RARB: variants seen among roughly 807,000 people sequenced by gnomAD.
The protein encoded by RARB is HBV-activated protein.
A neutral mutation model predicts 51.9 loss-of-function variants in RARB; 17 were observed. The observed-to-expected ratio is 0.33, with a 90% CI of 0.22 to 0.49. RARB has a LOEUF of 0.49. Among genes scored for constraint, RARB ranks in the 20% least tolerant of loss-of-function variants. RARB has a pLI of 0.99. For synonymous variants in RARB, 215 were observed against 195.4 expected (o/e 1.10, Z -0.84); for missense variants, 369 against 550.8 (o/e 0.67, Z 3.30).
chr3:25,069,669 C>T (rs939254742), intron 3 of RARB, among the ~76,000 whole-genome samples: 28 of 152,118 alleles, frequency 1.8e-4, no homozygotes, highest in Admixed American at 1.3e-3. Flanking sequence ...ACTGTCACAG[C>T]GTTTTATCTG....
At chr3:25,480,755 G>A (rs1696186542) in intron 2 of RARB, among the ~76,000 whole-genome samples, 1 of 152,128 alleles carries the variant, frequency 6.6e-6, no homozygotes, top group African/African-American at 2.4e-5. Context: ...GGGCAGGGCA[G>A]GTAAGTAAAT....
chr3:25,219,265 T>TA (rs5847342), intron 5 of RARB, among the ~76,000 whole-genome samples: 80,533 of 148,788 alleles, frequency 0.54, 22,982 homozygotes, highest in Admixed American at 0.65. Context: ...ACCTCTAGGT[T>TA]AAAAAAAAAA....
At chr3:25,188,650 A>G (rs1701030162) in intron 5 of RARB, among the ~76,000 whole-genome samples, 1 of 152,126 alleles carries the variant, frequency 6.6e-6, no homozygotes, top group Non-Finnish European at 1.5e-5. Context: ...TCTGTATTTT[A>G]TTAGGCTTCA....
chr3:25,241,625 TC>T (rs1187363847), intron 5 of RARB, among the ~76,000 whole-genome samples: 2 of 152,352 alleles, frequency 1.3e-5, no homozygotes, highest in Admixed American at 1.3e-4. Context: ...TTCATGCATA[TC>T]CCTGCAAAGG....
intron 3 of RARB, among the ~76,000 whole-genome samples, chr3:25,064,782 C>A (rs889498144): frequency 5.3e-5 from 8 of 152,166 alleles, no homozygotes; most frequent in Non-Finnish European, 1.0e-4. Flanking sequence ...ATTTGAATTC[C>A]AGACTAATCC....
At chr3:24,850,804 T>C (rs1702545359) in intron 1 of RARB, among the ~76,000 whole-genome samples, 1 of 152,144 alleles carries the variant, frequency 6.6e-6, no homozygotes. Context: ...GGATGAGGCC[T>C]GAAATTCTGC....
chr3:24,931,918 G>C (rs1695447955), intron 2 of RARB, among the ~76,000 whole-genome samples: 1 of 152,064 alleles, frequency 6.6e-6, no homozygotes, highest in Non-Finnish European at 1.5e-5. Flanking sequence ...TGTTTGGAGA[G>C]TGGTGACTAT....
At chr3:24,836,436 G>T (rs1702346715) in intron 1 of RARB, among the ~76,000 whole-genome samples, 1 of 152,176 alleles carries the variant, frequency 6.6e-6, no homozygotes, top group South Asian at 2.1e-4. Context: ...AAACATGAGA[G>T]TATTCCAACA....
intron 4 of RARB, among the ~76,000 whole-genome samples, chr3:25,143,457 C>T (rs997944644): frequency 1.3e-5 from 2 of 152,262 alleles, no homozygotes; most frequent in Admixed American, 6.5e-5. Context: ...GAGGCCCACC[C>T]GATCCAAAAG....
chr3:25,117,714 A>G (rs1182444787), intron 3 of RARB, among the ~76,000 whole-genome samples: 1 of 152,190 alleles, frequency 6.6e-6, no homozygotes, highest in Non-Finnish European at 1.5e-5. Context: ...TGTTGGGCTC[A>G]AGGAAGAAGG....
intron 1 of RARB, among the ~76,000 whole-genome samples, chr3:24,851,597 GA>G: frequency 6.6e-6 from 1 of 152,290 alleles, no homozygotes; most frequent in Non-Finnish European, 1.5e-5. Flanking sequence ...CGGGACTCCA[GA>G]AACTGGCAAT....
At chr3:25,072,284 A>T (rs192220626) in intron 3 of RARB, among the ~76,000 whole-genome samples, 1 of 152,328 alleles carries the variant, frequency 6.6e-6, no homozygotes, top group East Asian at 1.9e-4. Context: ...TAAGCATGAA[A>T]ATGGGAATAA....
At chr3:24,998,825 C>G (rs1167482338) in intron 2 of RARB, among the ~76,000 whole-genome samples, 1 of 122,682 alleles carries the variant, frequency 8.2e-6, no homozygotes, top group Non-Finnish European at 1.7e-5. Context: ...GTGTTTCAAA[C>G]TTGGTTGGTG....
rs115769273 is a variant in RARB, at chr3:25,414,712, T to C, written c.179-46481T>C. Reference sequence around the variant, plus strand: ...GTTTCATAGGTTTATTTGCCATATATATAATGTCTTCAGTGACATTTCTGT... The same window carrying C: ...GTTTCATAGGTTTATTTGCCATATACATAATGTCTTCAGTGACATTTCTGT... On this transcript the variant is annotated intron_variant, in intron 5 of 11. Transcript: ENST00000383772. 4.5e-3 allele frequency among the ~76,000 whole-genome samples: 680 copies of C among 152,350 alleles called. 7 individuals carry two copies. Among genetic ancestry groups the C allele is most frequent in the African/African-American group, 0.016 (657 of 41,578 alleles).
At chr3:25,274,017 C>G (rs970307088) in intron 5 of RARB, among the ~76,000 whole-genome samples, 3 of 152,138 alleles carry the variant, frequency 2.0e-5, no homozygotes, top group African/African-American at 7.2e-5. Flanking sequence ...ATGGTTCTCA[C>G]TCTCAACTTT....
chr3:25,239,649 C>T (rs569954606), intron 5 of RARB, among the ~76,000 whole-genome samples: 3 of 152,172 alleles, frequency 2.0e-5, no homozygotes, highest in Admixed American at 6.5e-5. Flanking sequence ...TATTCTGTTC[C>T]GTTGGTCTGC....
intron 3 of RARB, among the ~76,000 whole-genome samples, chr3:25,083,691 T>C (rs1229703160): frequency 1.3e-5 from 2 of 152,224 alleles, no homozygotes; most frequent in Non-Finnish European, 2.9e-5. Flanking sequence ...TTCCAGTAAT[T>C]ACTGAGTGTG....
At chr3:25,570,023 T>G in intron 4 of RARB, 105 bp downstream of exon 4, 1 of 1,285,714 alleles carries the variant, frequency 7.8e-7, no homozygotes, top group South Asian at 1.5e-5. Flanking sequence ...CACACACACT[T>G]TGCACTGGGC....
intron 5 of RARB, among the ~76,000 whole-genome samples, chr3:25,216,263 C>A (rs1559509412): frequency 6.6e-6 from 1 of 152,108 alleles, no homozygotes; most frequent in Admixed American, 6.6e-5. Flanking sequence ...TAATTCATTT[C>A]TTATTTTTTT....
Sources: gnomAD v4.1 joint callset for allele counts (sites outside exome capture counted in the v4.1 genomes callset) on GRCh38, gnomAD v4.1.1 for gene constraint, MANE v1.5 for transcripts, NCBI Gene and HGNC (gene_info 2026-07-23, HGNC 2026-07-21) for gene names.